Variants in LEKR1 observed in about 807,000 individuals in gnomAD.
The protein encoded by LEKR1 is protein LEKR1.
Under a neutral mutation model 72.4 loss-of-function variants are expected in LEKR1, and 59 were observed. The observed-to-expected ratio is 0.82, with a 90% CI of 0.66 to 1.01. The LOEUF is 1.01. LEKR1 is among the 50% of genes least tolerant of loss of function. The pLI is 0.00. For synonymous variants in LEKR1, 257 were observed against 263.2 expected (o/e 0.98, Z 0.23); for missense variants, 728 against 759.2 (o/e 0.96, Z 0.48).
At chr3:156,889,859 T>C (rs904147141) in intron 3 of LEKR1, among the ~76,000 whole-genome samples, 2 of 152,184 alleles carry the variant, frequency 1.3e-5, no homozygotes, top group Admixed American at 1.3e-4. Flanking sequence ...TGCAAAGAAA[T>C]AATCAAAAGG....
chr3:156,888,417 T>G (rs1369359562), intron 3 of LEKR1: 3 of 692,562 alleles, frequency 4.3e-6, no homozygotes, highest in Non-Finnish European at 7.9e-6. Context: ...TTGTTTTCCT[T>G]AGCTTTTCTT....
chr3:157,016,952 A>G (rs1192814146), intron 10 of LEKR1, among the ~76,000 whole-genome samples: 1 of 152,168 alleles, frequency 6.6e-6, no homozygotes, highest in Non-Finnish European at 1.5e-5. Context: ...CCTAAAGAAG[A>G]CAGGAAAATA....
intron 2 of LEKR1, among the ~76,000 whole-genome samples, chr3:156,834,788 T>C (rs1264141297): frequency 1.3e-5 from 2 of 152,212 alleles, no homozygotes; most frequent in Non-Finnish European, 2.9e-5. Context: ...TTAAAACGTA[T>C]AGCAAAGACA....
Position 156,989,939 on chromosome 3 carries a change from G to A in LEKR1, c.828-2714G>A, listed in dbSNP as rs116597530. 4.3e-3 allele frequency among the ~76,000 whole-genome samples: 655 copies of A among 152,144 alleles called. 2 individuals carry two copies. The highest frequency in any genetic ancestry group is 0.015 in the African/African-American group (632 of 41,522). The stretch of plus-strand genomic sequence containing the variant: ...AGATACTTCAGCCAGCCTAATCAGT[G>A]TCATAAATTTACATACAATACTTTA... On this transcript the variant is annotated intron_variant, in intron 7 of 12. Coordinates refer to ENST00000356539, the MANE Select transcript of LEKR1 (RefSeq NM_001004316.3).
At chr3:156,984,880 G>T in intron 7 of LEKR1, among the ~76,000 whole-genome samples, 1 of 151,696 alleles carries the variant, frequency 6.6e-6, no homozygotes, top group African/African-American at 2.4e-5. Flanking sequence ...GCTCTTACTT[G>T]GCCTTTCAAC....
At chr3:156,961,940 A>G (rs548630231) in intron 6 of LEKR1, among the ~76,000 whole-genome samples, 78 of 152,352 alleles carry the variant, frequency 5.1e-4, no homozygotes, top group African/African-American at 1.8e-3. Flanking sequence ...TTAGTATACA[A>G]GCATTCAAAT....
chr3:157,040,390 T>G (rs1437406226), intron 12 of LEKR1, among the ~76,000 whole-genome samples: 1 of 152,198 alleles, frequency 6.6e-6, no homozygotes, highest in African/African-American at 2.4e-5. Flanking sequence ...TTGGTTTTAT[T>G]ATGTTTGTAA....
At chr3:156,998,868 C>G (rs1228611926) in intron 9 of LEKR1, among the ~76,000 whole-genome samples, 1 of 151,988 alleles carries the variant, frequency 6.6e-6, no homozygotes, top group Non-Finnish European at 1.5e-5. Context: ...AGCTATGAAC[C>G]CTCACTGATA....
chr3:157,007,336 G>C (rs1372254131), intron 9 of LEKR1, among the ~76,000 whole-genome samples: 1 of 152,168 alleles, frequency 6.6e-6, no homozygotes, highest in African/African-American at 2.4e-5. Context: ...CTTCAGATGT[G>C]GCCAACCCAG....
intron 3 of LEKR1, among the ~76,000 whole-genome samples, chr3:156,883,813 G>C (rs1379126456): frequency 6.6e-6 from 1 of 152,106 alleles, no homozygotes; most frequent in African/African-American, 2.4e-5. Context: ...CCCAGTCTCA[G>C]CTATGTCTTT....
At chr3:156,926,000 G>A (rs551283680) in intron 4 of LEKR1, among the ~76,000 whole-genome samples, 1 of 151,912 alleles carries the variant, frequency 6.6e-6, no homozygotes, top group Non-Finnish European at 1.5e-5. Context: ...AAATTATTGT[G>A]GCCTAAAGAA....
At chr3:156,846,427 ACTAATTATAATAAAGCTG>A (rs887475205) in intron 2 of LEKR1, among the ~76,000 whole-genome samples, 5 of 151,512 alleles carry the variant, frequency 3.3e-5, no homozygotes, top group Non-Finnish European at 5.9e-5. Context: ...GTCTTTTACT[ACTAATTATAATAAAGCTG>A]TAGGGTTTTT....
At chr3:157,001,260 C>T (rs1731992731) in intron 9 of LEKR1, among the ~76,000 whole-genome samples, 1 of 152,198 alleles carries the variant, frequency 6.6e-6, no homozygotes, top group Admixed American at 6.5e-5. Context: ...TCACCTCTTT[C>T]TCTGATTTCC....
chr3:156,842,111 TC>T (rs1432292532), intron 2 of LEKR1, among the ~76,000 whole-genome samples: 1 of 152,126 alleles, frequency 6.6e-6, no homozygotes, highest in Admixed American at 6.5e-5. Flanking sequence ...ATCCCCCCAG[TC>T]CATGGGAAAA....
At chr3:156,959,476 G>T (rs1727926422) in intron 6 of LEKR1, among the ~76,000 whole-genome samples, 1 of 152,050 alleles carries the variant, frequency 6.6e-6, no homozygotes, top group Non-Finnish European at 1.5e-5. Flanking sequence ...ATCACAATAA[G>T]GCTTCTTTTG....
At chr3:156,895,760 G>A (rs1721119378) in intron 3 of LEKR1, among the ~76,000 whole-genome samples, 1 of 152,162 alleles carries the variant, frequency 6.6e-6, no homozygotes, top group Non-Finnish European at 1.5e-5. Context: ...ACACTGGGGT[G>A]GGAATGTAAA....
In LEKR1 at chr3:156,942,532, T is replaced by C. The variant is rs1356615304; in HGVS notation, c.563T>C (p.Ile188Thr). The C allele has an allele frequency of 8.7e-7, 1 of 1,145,972 alleles. No homozygotes were observed. The highest frequency in any genetic ancestry group is 1.1e-6 in the Non-Finnish European group (1 of 876,792). The allele number at this position is 1,145,972 out of a possible 1,614,324, so 71.0% of individuals were successfully genotyped here. A position where few individuals can be genotyped will look rare whatever the true frequency, so the allele number is the denominator to read the frequency against. ...AAACTTTGAATTCTTCTTACAGAAA[T>C]AGACATACTGAATAAAAGTTTGACA... Reference protein sequence around the residue: ...KSISETALTEIDILNKSLTVS... With the variant: ...KSISETALTETDILNKSLTVS... Residue 188 changes from isoleucine (I) to threonine (T), a missense_variant, in exon 6 of 13, where the codon ATA becomes ACA. Physicochemically the swap from Ile to Thr is moderately conservative, Grantham distance 89. Transcript: ENST00000356539.
chr3:156,877,641 T>G (rs1484806176), intron 3 of LEKR1, among the ~76,000 whole-genome samples: 1 of 152,182 alleles, frequency 6.6e-6, no homozygotes, highest in Non-Finnish European at 1.5e-5. Context: ...ATGTTTTGTA[T>G]TTCAGTTGTA....
At chr3:156,985,917 C>T (rs1344070716) in intron 7 of LEKR1, among the ~76,000 whole-genome samples, 8 of 150,816 alleles carry the variant, frequency 5.3e-5, no homozygotes, top group Admixed American at 2.6e-4. Context: ...AATATAATCA[C>T]GAGGATCCTT....
Sources: allele counts gnomAD v4.1 joint callset (sites outside exome capture counted in the v4.1 genomes callset), GRCh38; gene constraint gnomAD v4.1.1; transcripts MANE v1.5; gene names NCBI Gene and HGNC (gene_info 2026-07-23, HGNC 2026-07-21).